The following DERA variants were observed in gnomAD, a reference collection of about 807,000 sequenced individuals.
DERA encodes deoxyribose-phosphate aldolase, also known as 2-deoxy-D-ribose 5-phosphate aldolase.
A neutral mutation model predicts 41.1 loss-of-function variants in DERA; 15 were observed. The observed-to-expected ratio is 0.37, with a 90% CI of 0.24 to 0.56. The LOEUF (loss-of-function observed/expected upper bound fraction) is 0.56, where lower values mean the gene tolerates loss of function less well. Ranked by LOEUF, DERA falls within the 20% of genes least tolerant of loss-of-function variation. The pLI is 0.81. For missense variants in DERA, 396 were observed against 403.4 expected (o/e 0.98, Z 0.16); for synonymous variants, 139 against 137.4 (o/e 1.01, Z -0.08).
chr12:15,969,343 A>G (rs920245999), intron 5 of DERA, among the ~76,000 whole-genome samples: 1 of 152,162 alleles, frequency 6.6e-6, no homozygotes, highest in African/African-American at 2.4e-5. Context: ...ATGCTATCAG[A>G]TTGCACCTTG....
intron 5 of DERA, among the ~76,000 whole-genome samples, chr12:15,973,263 C>T (rs992072630): frequency 6.6e-6 from 1 of 152,160 alleles, no homozygotes; most frequent in African/African-American, 2.4e-5. Context: ...TTTCACTACC[C>T]CTGAAAACCT....
At chr12:15,978,899 G>A (rs1278959663) in intron 5 of DERA, among the ~76,000 whole-genome samples, 1 of 152,128 alleles carries the variant, frequency 6.6e-6, no homozygotes, top group Admixed American at 6.5e-5. Context: ...TTATCTATTC[G>A]TGTGTGTTAA....
rs1948176277 is a variant in DERA, at chr12:15,913,094, A to G, written c.31+1680A>G. On this transcript the variant is annotated intron_variant, in intron 1 of 8. Coordinates refer to ENST00000428559, the MANE Select transcript of DERA (RefSeq NM_015954.4). This position sits in a 1 kb window ranked among gnomAD's most constrained non-coding sequence, Gnocchi z 4.5. ...TGCATACATCAAGGATGTGCCCTAAATTTCCCAAAACTTAGACATTTTAAA... is the reference window on the plus strand; with the variant it reads ...TGCATACATCAAGGATGTGCCCTAAGTTTCCCAAAACTTAGACATTTTAAA... Among the ~76,000 whole-genome samples, 1 of 152,242 alleles carries G rather than the reference A, an allele frequency of 6.6e-6. No homozygotes were observed. The highest frequency in any genetic ancestry group is 2.4e-5 in the African/African-American group (1 of 41,464).
In DERA at chr12:15,954,482, G is replaced by C. The variant is rs575449232; in HGVS notation, c.32-2454G>C. The stretch of plus-strand genomic sequence containing the variant: ...TCCCAGAGAAGGTGACATTTGAATC[G>C]ACTCTTAAAGGATGAGCAGCAGTTC... On this transcript the variant is annotated intron_variant, in intron 1 of 8. Transcript: ENST00000428559. The surrounding 1 kb of genome is among the most constrained non-coding windows in gnomAD (Gnocchi z 4.0). Among the ~76,000 whole-genome samples, 1 of 152,256 alleles carries C rather than the reference G, an allele frequency of 6.6e-6. No individual in the cohort carries two copies. The highest frequency in any genetic ancestry group is 2.1e-4 in the South Asian group (1 of 4,820).
chr12:16,032,616 C>T lies in DERA; in HGVS notation c.712C>T (p.Arg238Trp), dbSNP rs760703237. The change falls in exon 7 of 9, where the codon CGG becomes TGG. Residue 238 changes from arginine (R) to tryptophan (W), a missense_variant. Coordinates refer to ENST00000428559, the MANE Select transcript of DERA (RefSeq NM_015954.4). ...ATFPVAIVML[R>W]AIRDFFWKTG... ...CTTCCCGGTAGCTATAGTAATGCTG[C>T]GGGCCATTAGAGATTTCTTCTGGAA... 5.0e-5 allele frequency: 79 copies of T among 1,565,978 alleles called. No homozygotes were observed. In the South Asian group the frequency reaches 7.9e-4, roughly 16 times the overall value.
intron 7 of DERA, among the ~76,000 whole-genome samples, chr12:16,033,624 T>TGTGTGTGTGTG (rs58693292): frequency 3.3e-5 from 5 of 150,446 alleles, no homozygotes; most frequent in Admixed American, 1.3e-4. Flanking sequence ...TGTGTGTGTG[T>TGTGTGTGTGTG]TTAATGACAC....
intron 1 of DERA, among the ~76,000 whole-genome samples, chr12:15,945,246 G>A (rs1352529007): frequency 6.6e-6 from 1 of 152,160 alleles, no homozygotes; most frequent in Non-Finnish European, 1.5e-5. Flanking sequence ...CTTTCAAGTA[G>A]TTTTTTCCAA....
In DERA at chr12:16,020,585, G is replaced by T. The variant is rs552168129; in HGVS notation, c.638-11957G>T. On this transcript the variant is annotated intron_variant, in intron 6 of 8. Coordinates refer to ENST00000428559, the MANE Select transcript of DERA (RefSeq NM_015954.4). The surrounding 1 kb of genome is among the most constrained non-coding windows in gnomAD (Gnocchi z 5.5). ...TAGCTGAAAATGTGGGAGCAGCTTT[G>T]GAACTGGGTAATGGAGAGGTTGGAA... is the stretch of plus-strand genomic sequence containing the variant. Among the ~76,000 whole-genome samples the T allele has an allele frequency of 7.9e-5, 12 of 152,346 alleles. No individual in the cohort carries two copies. The highest frequency in any genetic ancestry group is 2.6e-4 in the Admixed American group (4 of 15,296).
rs1948807456 is a variant in DERA at position 15,992,298 on chromosome 12, A to G, written c.637+9862A>G. 6.6e-6 allele frequency among the ~76,000 whole-genome samples: 1 copy of G among 152,142 alleles called. No individual in the cohort carries two copies. The highest frequency in any genetic ancestry group is 2.4e-5 in the African/African-American group (1 of 41,444). ...AGATGCCTCTTTCCAGATGTGCCAAAATCTTGTAGAATTTGAACATGTTAT... is the reference window on the plus strand; with the variant it reads ...AGATGCCTCTTTCCAGATGTGCCAAGATCTTGTAGAATTTGAACATGTTAT... On this transcript the variant is annotated intron_variant, in intron 6 of 8. Transcript: ENST00000428559. The surrounding 1 kb of genome is among the most constrained non-coding windows in gnomAD (Gnocchi z 4.3).
chr12:15,929,821 T>C (rs1264607405), intron 1 of DERA, among the ~76,000 whole-genome samples: 3 of 152,212 alleles, frequency 2.0e-5, no homozygotes, highest in African/African-American at 7.2e-5. Flanking sequence ...AGGATGACCC[T>C]GTATCCCAGT....
In DERA at chr12:15,941,600, C is replaced by T. The variant is rs1948409383; in HGVS notation, c.32-15336C>T. Reference sequence around the variant, plus strand: ...CCTTTGTGTCCTCACAGCTTAGCCCCCACTTATAAGTGAGATCATAGGATG... The same window carrying T: ...CCTTTGTGTCCTCACAGCTTAGCCCTCACTTATAAGTGAGATCATAGGATG... On this transcript the variant is annotated intron_variant, in intron 1 of 8. Coordinates refer to ENST00000428559, the MANE Select transcript of DERA (RefSeq NM_015954.4). The surrounding 1 kb of genome is among the most constrained non-coding windows in gnomAD (Gnocchi z 4.5). Among the ~76,000 whole-genome samples, 1 of 152,140 alleles carries T rather than the reference C, an allele frequency of 6.6e-6. No individual in the cohort carries two copies. Among genetic ancestry groups the T allele is most frequent in the Non-Finnish European group, 1.5e-5 (1 of 68,030 alleles).
At chr12:15,934,827 G>A (rs1224267114) in intron 1 of DERA, among the ~76,000 whole-genome samples, 1 of 152,150 alleles carries the variant, frequency 6.6e-6, no homozygotes, top group African/African-American at 2.4e-5. Context: ...TTCATGCTGG[G>A]AACCTGGTAG....
In DERA at chr12:16,004,093, G is replaced by A. The variant is rs562490933; in HGVS notation, c.637+21657G>A. 1.2e-4 allele frequency among the ~76,000 whole-genome samples: 18 copies of A among 152,242 alleles called. 1 individual carries two copies. Among genetic ancestry groups the A allele is most frequent in the Admixed American group, 7.2e-4 (11 of 15,298 alleles). ...GAAAAGTACATTCTGATTTCCAGCC[G>A]GCTGTGAATTTACAAACTTTTGGAA... On this transcript the variant is annotated intron_variant, in intron 6 of 8. Coordinates refer to ENST00000428559, the MANE Select transcript of DERA (RefSeq NM_015954.4). This position sits in a 1 kb window ranked among gnomAD's most constrained non-coding sequence, Gnocchi z 4.2.
At chr12:15,934,658 G>A (rs1476988933) in intron 1 of DERA, among the ~76,000 whole-genome samples, 1 of 151,920 alleles carries the variant, frequency 6.6e-6, no homozygotes, top group East Asian at 1.9e-4. Flanking sequence ...AAAATGGGTG[G>A]GAAACTTAAC....
intron 1 of DERA, among the ~76,000 whole-genome samples, chr12:15,949,635 C>T (rs1273026235): frequency 6.6e-6 from 1 of 152,186 alleles, no homozygotes; most frequent in African/African-American, 2.4e-5. Flanking sequence ...TTCCCTGACC[C>T]CTTGTGCTTC....
rs1948746038 is a variant in DERA at position 15,983,540 on chromosome 12, C to A, written c.637+1104C>A. 6.6e-6 allele frequency among the ~76,000 whole-genome samples: 1 copy of A among 152,198 alleles called. No individual in the cohort carries two copies. ...TCCCCTGACACTGCTTCTCCCCCTG[C>A]TGTTTGGCCCATTATCTCCTCTGTG... On this transcript the variant is annotated intron_variant, in intron 6 of 8. Transcript: ENST00000428559. This position sits in a 1 kb window ranked among gnomAD's most constrained non-coding sequence, Gnocchi z 6.2.
intron 6 of DERA, among the ~76,000 whole-genome samples, chr12:16,005,814 A>G (rs964052314): frequency 6.6e-6 from 1 of 152,280 alleles, no homozygotes; most frequent in African/African-American, 2.4e-5. Context: ...AATAGTTATT[A>G]GGTTAAGTCC....
chr12:15,953,418 A>G (rs1948513527), intron 1 of DERA, among the ~76,000 whole-genome samples: 1 of 152,208 alleles, frequency 6.6e-6, no homozygotes, highest in Admixed American at 6.5e-5. Flanking sequence ...GTTGCAGGGA[A>G]AATGACCTCC....
Position 15,911,453 on chromosome 12 carries a change from C to T in DERA, c.31+39C>T. 2 of 1,406,990 alleles carry T rather than the reference C, an allele frequency of 1.4e-6. No individual in the cohort carries two copies. Among genetic ancestry groups the T allele is most frequent in the African/African-American group, 1.5e-5 (1 of 67,066 alleles). 87.2% of individuals were successfully genotyped at this position (1,406,990 alleles called of 1,614,324 possible). A position where few individuals can be genotyped will look rare whatever the true frequency, so the allele number is the denominator to read the frequency against. On this transcript the variant is annotated intron_variant, in intron 1 of 8. Transcript: ENST00000428559. The surrounding 1 kb of genome is among the most constrained non-coding windows in gnomAD (Gnocchi z 4.5). Reference sequence around the variant, plus strand: ...GGGGCTCCCCATCCCCTCTCCCTCGCGTTCAGCGCCGCCGGGACTAGCGCG... The same window carrying T: ...GGGGCTCCCCATCCCCTCTCCCTCGTGTTCAGCGCCGCCGGGACTAGCGCG...
Sources: gnomAD v4.1 joint callset for allele counts (sites outside exome capture counted in the v4.1 genomes callset) on GRCh38, gnomAD v4.1.1 for gene constraint, Gnocchi (gnomAD v3.1) non-coding constraint, MANE v1.5 for transcripts, NCBI Gene and HGNC (gene_info 2026-07-23, HGNC 2026-07-21) for gene names.